Variants in POLR1E observed in about 807,000 individuals in gnomAD.
POLR1E encodes the protein DNA-directed RNA polymerase I subunit RPA49.
A neutral mutation model predicts 50.9 loss-of-function variants in POLR1E; 37 were observed. That is an observed-to-expected ratio of 0.73 (90% CI 0.56 to 0.96). The LOEUF is 0.96. Ranked by LOEUF, POLR1E falls within the 40% of genes least tolerant of loss-of-function variation. The pLI is 0.00. For missense variants in POLR1E, 426 were observed against 518.1 expected, an observed-to-expected ratio of 0.82 and a Z score of 1.73; for synonymous variants, 166 against 191.6, an observed-to-expected ratio of 0.87 and a Z score of 1.10.
intron 1 of POLR1E, 125 bp downstream of exon 1, chr9:37,486,248 C>G: frequency 7.6e-7 from 1 of 1,319,654 alleles, no homozygotes; most frequent in Non-Finnish European, 1.0e-6. Flanking sequence ...CTAGTCTCCA[C>G]CACTCCCCTG....
At chr9:37,501,664 T>G in intron 10 of POLR1E, 49 bp from the exon 11 acceptor site, 1 of 1,586,642 alleles carries the variant, frequency 6.3e-7, no homozygotes, top group Non-Finnish European at 8.6e-7. Flanking sequence ...TTGGAGAAAT[T>G]GTCTGAGAGT....
At position 37,498,143 on chromosome 9, in the gene POLR1E, A is replaced by T; in HGVS notation, c.805A>T (p.Ser269Cys). 6.2e-7 allele frequency: 1 copy of T among 1,613,930 alleles called. No homozygotes were observed. The highest frequency in any genetic ancestry group is 8.5e-7 in the Non-Finnish European group (1 of 1,179,912). ...GAAGTCTTTGCCATCAGATGTGGAG[A>T]GCCGAGACCGCCAGGCCCGATGCAT... Reference protein sequence around the residue: ...ALKSLPSDVESRDRQARCIWF... With the variant: ...ALKSLPSDVECRDRQARCIWF... Residue 269 changes from serine to cysteine, a missense_variant, in exon 9 of 12, where the codon AGC (serine) becomes TGC (cysteine). Transcript: ENST00000377798.
At position 37,486,080 on chromosome 9, in the gene POLR1E, G is replaced by A. The variant is rs1820568606; in HGVS notation, c.33G>A (p.Trp11Ter). 5.0e-6 allele frequency: 8 copies of A among 1,603,808 alleles called. No homozygotes were observed. Among genetic ancestry groups the A allele is most frequent in the Non-Finnish European group, 5.9e-6 (7 of 1,176,536 alleles). ...CGGAGGTGTTGCCGAGTGCGAGGTG[G>A]CAGTATTGTGGGGCGCCCGACGGGA... is the stretch of plus-strand genomic sequence containing the variant. MAAEVLPSAR[W>*]QYCGAPDGSQ... Residue 11 changes from tryptophan to a stop codon, truncating the protein, a stop_gained, in exon 1 of 12, where the codon TGG (tryptophan) becomes TGA (stop). Coordinates refer to ENST00000377798, the MANE Select transcript of POLR1E (RefSeq NM_022490.4). LOFTEE classifies it high-confidence loss of function.
At chr9:37,486,331 G>A (rs1820573848) in intron 1 of POLR1E, 8 of 1,356,320 alleles carry the variant, frequency 5.9e-6, no homozygotes, top group Non-Finnish European at 7.9e-6. Flanking sequence ...CCACTCACCC[G>A]CTCCCCAGAG....
At chr9:37,488,050 G>T in intron 3 of POLR1E, 111 bp downstream of exon 3, 1 of 1,011,278 alleles carries the variant, frequency 9.9e-7, no homozygotes, top group Admixed American at 2.1e-5. Flanking sequence ...ATCTAGAGAG[G>T]TTTACTAGGT....
In POLR1E at chr9:37,495,992, C is replaced by A. The variant is rs1820779078; in HGVS notation, c.752+6C>A. ...AAGATGATTGAGGAGAACAGGTACC[C>A]TGACTTAAGCAGATGGGGATTCTGG... On this transcript the variant is annotated splice_donor_region_variant and intron_variant, in intron 8 of 11. Transcript: ENST00000377798. The A allele has an allele frequency of 6.2e-7, 1 of 1,607,528 alleles. No homozygotes were observed. Among genetic ancestry groups the A allele is most frequent in the East Asian group, 2.2e-5 (1 of 44,834 alleles).
chr9:37,503,394 T>C lies in POLR1E; in HGVS notation c.*192T>C, dbSNP rs1348471451. 2 of 528,110 alleles carry C rather than the reference T, an allele frequency of 3.8e-6. No homozygotes were observed. Among genetic ancestry groups the C allele is most frequent in the East Asian group, 3.5e-5 (1 of 28,448 alleles). 32.7% of individuals were successfully genotyped at this position (528,110 alleles called of 1,614,324 possible). ...GAGTTTGAAACCAGTCTGGACAACA[T>C]AGGGAGACCCCATCTCTACCGGAGG... On this transcript the variant is annotated 3_prime_UTR_variant, in exon 12 of 12. Transcript: ENST00000377798.
chr9:37,496,666 A>C lies in POLR1E; in HGVS notation c.752+680A>C, dbSNP rs888636815. On this transcript the variant is annotated intron_variant, in intron 8 of 11. Transcript: ENST00000377798. ...TTGCTTCAAAGATTTATTTCCAAAA[A>C]AGAGCTCATTACTAGTTCATAGTTG... 1.1e-3 allele frequency among the ~76,000 whole-genome samples: 165 copies of C among 149,542 alleles called. 2 individuals are homozygous for C. Among genetic ancestry groups the C allele is most frequent in the Non-Finnish European group, 5.2e-4 (35 of 67,836 alleles).
chr9:37,492,421 T>G, intron 4 of POLR1E: 1 of 1,001,310 alleles, frequency 1.0e-6, no homozygotes, highest in Non-Finnish European at 1.4e-6. Context: ...ATTTCTAAAA[T>G]GAAGAGGTTG....
At chr9:37,500,818 C>T in intron 9 of POLR1E, 22 bp from the exon 10 acceptor site, 1 of 1,590,612 alleles carries the variant, frequency 6.3e-7, no homozygotes, top group South Asian at 1.1e-5. Flanking sequence ...AGAAAATGAT[C>T]AAACTCAACT....
chr9:37,498,047 C>T, intron 8 of POLR1E, 44 bp from the exon 9 acceptor site: 1 of 1,596,394 alleles, frequency 6.3e-7, no homozygotes, highest in Non-Finnish European at 8.5e-7. Flanking sequence ...TGACAGAGCC[C>T]ATCTTACCCT....
Position 37,486,804 on chromosome 9 carries a change from C to T in POLR1E, c.178C>T (p.Leu60=), listed in dbSNP as rs144033077. Residue 60 remains leucine (L), a splice_region_variant and synonymous_variant, in exon 2 of 12, where the codon CTG becomes TTG. Coordinates refer to ENST00000377798, the MANE Select transcript of POLR1E (RefSeq NM_022490.4). ...CCCCAGGAAGAGGAATCAACGGATC[C>T]TGGTAAGTGAAGCAGTTGCCAGCTG... ...TNPRKRNQRI[L]AAETDRLSYV... 4 of 1,607,880 alleles carry T rather than the reference C, an allele frequency of 2.5e-6. No homozygotes were observed. Among genetic ancestry groups the T allele is most frequent in the Non-Finnish European group, 3.4e-6 (4 of 1,177,944 alleles).
At chr9:37,493,446 C>A in intron 5 of POLR1E, 113 bp from the exon 6 acceptor site, 1 of 909,722 alleles carries the variant, frequency 1.1e-6, no homozygotes, top group Non-Finnish European at 1.5e-6. Context: ...GCCTTATTCA[C>A]AGGTGAGGTA....
intron 4 of POLR1E, among the ~76,000 whole-genome samples, chr9:37,491,791 CTT>C (rs780596294): frequency 3.9e-5 from 6 of 152,262 alleles, no homozygotes; most frequent in East Asian, 1.9e-4. Context: ...TTAAAGGTCT[CTT>C]GAGTCCGGAC....
chr9:37,490,573 T>A (rs1347205321), intron 4 of POLR1E: 48 of 720,328 alleles, frequency 6.7e-5, no homozygotes, highest in Middle Eastern at 7.4e-4. Context: ...TAATCATCTT[T>A]CTTCACCCGT....
At chr9:37,488,072 T>C (rs977433057) in intron 3 of POLR1E, 133 bp downstream of exon 3, 13 of 805,990 alleles carry the variant, frequency 1.6e-5, no homozygotes, top group Non-Finnish European at 2.6e-5. Context: ...ATCCCTGTGT[T>C]CCTATTAGAC....
rs768478164 is a variant in POLR1E, at chr9:37,489,390, A to G, written c.333A>G (p.Pro111=). 15 of 1,592,870 alleles carry G rather than the reference A, an allele frequency of 9.4e-6. No homozygotes were observed. The highest frequency in any genetic ancestry group is 1.8e-5 in the Admixed American group (1 of 54,458). The change falls in exon 4 of 12, where the codon CCA becomes CCG. Residue 111 remains proline (P), a synonymous_variant. Coordinates refer to ENST00000377798, the MANE Select transcript of POLR1E (RefSeq NM_022490.4). ...ATGCTGAATTGTTCAACATGCAGCC[A>G]CTATTTTCAGGTAGGTCCCAGTCAT... The part of the protein sequence containing the change: ...VYDAELFNMQ[P]LFSDVSVESE...
chr9:37,486,932 C>A, intron 2 of POLR1E, 126 bp downstream of exon 2: 1 of 1,123,238 alleles, frequency 8.9e-7, no homozygotes, highest in Non-Finnish European at 1.2e-6. Flanking sequence ...TTGAAGAACT[C>A]TGATGCCCAG....
rs752354665 is a variant in POLR1E at position 37,501,806 on chromosome 9, G to A, written c.1062G>A (p.Leu354=). The part of the protein sequence containing the change: ...ALHIHDFQID[L]TVLQRDLKLS... ...ACATACATGACTTCCAAATTGACCT[G>A]ACAGTGTTACAGAGGGACTTGAAGC... The change falls in exon 11 of 12, where the codon CTG becomes CTA. Residue 354 remains leucine (L), a synonymous_variant. Coordinates refer to ENST00000377798, the MANE Select transcript of POLR1E (RefSeq NM_022490.4). The A allele has an allele frequency of 6.2e-7, 1 of 1,614,000 alleles. No homozygotes were observed. Among genetic ancestry groups the A allele is most frequent in the Admixed American group, 1.7e-5 (1 of 60,010 alleles).
Sources: allele counts gnomAD v4.1 joint callset (sites outside exome capture counted in the v4.1 genomes callset), GRCh38; gene constraint gnomAD v4.1.1; transcripts MANE v1.5; gene names NCBI Gene and HGNC (gene_info 2026-07-23, HGNC 2026-07-21).